The following TSPAN2 variants were observed in gnomAD, a reference collection of about 807,000 sequenced individuals.
The protein encoded by TSPAN2 is tetraspanin 2, also known as tetraspanin-2.
In TSPAN2, 24 loss-of-function variants were observed where a neutral mutation model predicts 33.3. The ratio of observed to expected loss-of-function variants is 0.72; its 90% confidence interval spans 0.52 to 1.01. The LOEUF is 1.01. Ranked by LOEUF, TSPAN2 falls within the 50% of genes least tolerant of loss-of-function variation. The probability of loss-of-function intolerance (pLI) is 0.00; values close to 1 mark genes in which losing one functional copy is unlikely to be tolerated. For missense variants in TSPAN2, 278 were observed against 281.3 expected (o/e 0.99, Z 0.08); for synonymous variants, 114 against 104.5 (o/e 1.09, Z -0.56).
chr1:115,053,484 G>A (rs1167480580), intron 6 of TSPAN2, 22 bp from the exon 7 acceptor site: 18 of 1,607,480 alleles, frequency 1.1e-5, no homozygotes, highest in Non-Finnish European at 1.4e-5. Flanking sequence ...AAAAAAAGTC[G>A]GGAATAAAAA....
intron 4 of TSPAN2, among the ~76,000 whole-genome samples, 194 bp downstream of exon 4, chr1:115,060,270 G>T (rs1019965028): frequency 2.0e-5 from 3 of 151,990 alleles, no homozygotes; most frequent in Non-Finnish European, 4.4e-5. Flanking sequence ...TATCTCCCCA[G>T]AAAAATGTGA....
chr1:115,073,765 G>A (rs894414441), intron 1 of TSPAN2, among the ~76,000 whole-genome samples: 1 of 152,048 alleles, frequency 6.6e-6, no homozygotes, highest in Non-Finnish European at 1.5e-5. Flanking sequence ...CTGAGTGGCT[G>A]GCACAGGCAG....
At chr1:115,085,572 G>A (rs1415897415) in intron 1 of TSPAN2, among the ~76,000 whole-genome samples, 1 of 152,166 alleles carries the variant, frequency 6.6e-6, no homozygotes, top group South Asian at 2.1e-4. Flanking sequence ...CTAAGGGTGT[G>A]TGTAAATTTA....
intron 2 of TSPAN2, among the ~76,000 whole-genome samples, chr1:115,068,444 G>A (rs913868337): frequency 1.3e-5 from 2 of 152,216 alleles, no homozygotes; most frequent in Admixed American, 6.5e-5. Context: ...TCTCAGAGAG[G>A]AGAGTCAAGG....
At chr1:115,081,175 G>T (rs772549794) in intron 1 of TSPAN2, among the ~76,000 whole-genome samples, 14 of 152,182 alleles carry the variant, frequency 9.2e-5, no homozygotes, top group Non-Finnish European at 1.3e-4. Context: ...GTGCTCTATA[G>T]AGATTTTTCT....
At chr1:115,055,220 T>G (rs1478831165) in intron 6 of TSPAN2, among the ~76,000 whole-genome samples, 1 of 152,178 alleles carries the variant, frequency 6.6e-6, no homozygotes, top group Non-Finnish European at 1.5e-5. Context: ...CATTAGGCCC[T>G]CCTTCCCTTC....
In TSPAN2 at chr1:115,050,487, G is replaced by A; in HGVS notation, c.*3C>T. On this transcript the variant is annotated 3_prime_UTR_variant, in exon 8 of 8. Transcript: ENST00000369516. ...AGATTGCAATTTTCATGTAGAAGTA[G>A]CTTCATATCACATCTCGTGAGTTTC... The A allele has an allele frequency of 6.2e-7, 1 of 1,613,572 alleles. No homozygotes were observed. The highest frequency in any genetic ancestry group is 8.5e-7 in the Non-Finnish European group (1 of 1,179,550).
chr1:115,069,872 C>T (rs1648095250), intron 2 of TSPAN2, among the ~76,000 whole-genome samples: 1 of 152,198 alleles, frequency 6.6e-6, no homozygotes, highest in South Asian at 2.1e-4. Context: ...CAGGAATCTC[C>T]TGAATGAAAC....
intron 5 of TSPAN2, 105 bp from the exon 6 acceptor site, chr1:115,057,713 G>A (rs1460284662): frequency 1.3e-5 from 13 of 991,768 alleles, no homozygotes; most frequent in Admixed American, 5.2e-5. Context: ...AAGCAGCTCC[G>A]AGGCCCAGTC....
chr1:115,086,615 C>T (rs1341541656), intron 1 of TSPAN2, among the ~76,000 whole-genome samples: 1 of 152,248 alleles, frequency 6.6e-6, no homozygotes, highest in Non-Finnish European at 1.5e-5. Flanking sequence ...AACTGCACTG[C>T]TCCTACTTCC....
At chr1:115,056,036 C>A (rs1372548585) in intron 6 of TSPAN2, among the ~76,000 whole-genome samples, 3 of 152,082 alleles carry the variant, frequency 2.0e-5, no homozygotes, top group Non-Finnish European at 2.9e-5. Context: ...CATACTTAAT[C>A]CTCTAGTCTT....
rs568050184 is a variant in TSPAN2, at chr1:115,085,122, G to GA, written c.69+4241dup. On this transcript the variant is annotated intron_variant, in intron 1 of 7. Transcript: ENST00000369516. Reference sequence around the variant, plus strand: ...TTATTTATATTGCTATGCAACGTAGGAAAAAAAAAGGTGATTTCAATGAAA... The same window carrying GA: ...TTATTTATATTGCTATGCAACGTAGGAAAAAAAAAAGGTGATTTCAATGAAA... 1.1e-3 allele frequency among the ~76,000 whole-genome samples: 163 copies of GA among 150,780 alleles called. 2 individuals carry two copies. The highest frequency in any genetic ancestry group is 1.2e-3 in the Non-Finnish European group (82 of 67,626).
At chr1:115,065,096 G>A (rs1429276748) in intron 2 of TSPAN2, among the ~76,000 whole-genome samples, 2 of 152,336 alleles carry the variant, frequency 1.3e-5, no homozygotes, top group Non-Finnish European at 2.9e-5. Flanking sequence ...TTCTCAGCCA[G>A]CCTCTGTTTT....
chr1:115,061,041 T>A (rs1647700012), intron 3 of TSPAN2, among the ~76,000 whole-genome samples: 1 of 152,164 alleles, frequency 6.6e-6, no homozygotes, highest in East Asian at 1.9e-4. Flanking sequence ...GTGAGGGGTG[T>A]CCTTCTGGAT....
At chr1:115,073,532 G>A (rs1169231909) in intron 1 of TSPAN2, among the ~76,000 whole-genome samples, 3 of 151,984 alleles carry the variant, frequency 2.0e-5, no homozygotes, top group African/African-American at 4.8e-5. Flanking sequence ...CCCACACCTC[G>A]TGAGTGCACA....
intron 2 of TSPAN2, among the ~76,000 whole-genome samples, chr1:115,072,267 C>G (rs921872217): frequency 6.6e-6 from 1 of 152,030 alleles, no homozygotes; most frequent in Admixed American, 6.5e-5. Flanking sequence ...AGAGCTATTG[C>G]CCCTTCCTGC....
intron 3 of TSPAN2, among the ~76,000 whole-genome samples, chr1:115,061,666 A>AT (rs928100931): frequency 6.6e-6 from 1 of 151,980 alleles, no homozygotes; most frequent in Non-Finnish European, 1.5e-5. Flanking sequence ...CAAAGATAAT[A>AT]TTTTTTTTCT....
At chr1:115,074,257 G>A (rs1648309676) in intron 1 of TSPAN2, among the ~76,000 whole-genome samples, 1 of 152,168 alleles carries the variant, frequency 6.6e-6, no homozygotes, top group South Asian at 2.1e-4. Flanking sequence ...GGGGACTTCT[G>A]TCTTGCCAGG....
chr1:115,072,960 T>G lies in TSPAN2; in HGVS notation c.117A>C (p.Gly39=). ...VIAFGLWFRF[G]GAIKELSSED... is the part of the protein sequence containing the mutation. Reference sequence around the variant, plus strand: ...CTGATGATAACTCCTTTATGGCACCTCCGAACCGAAACCATAGTCCAAAAG... The same window carrying G: ...CTGATGATAACTCCTTTATGGCACCGCCGAACCGAAACCATAGTCCAAAAG... The change falls in exon 2 of 8, where the codon GGA becomes GGC. Residue 39 remains glycine (G), a synonymous_variant. Transcript: ENST00000369516. The G allele has an allele frequency of 6.2e-7, 1 of 1,614,048 alleles. No individual in the cohort carries two copies. The highest frequency in any genetic ancestry group is 8.5e-7 in the Non-Finnish European group (1 of 1,180,002).
Sources: gnomAD v4.1 joint callset for allele counts (sites outside exome capture counted in the v4.1 genomes callset) on GRCh38, gnomAD v4.1.1 for gene constraint, MANE v1.5 for transcripts, NCBI Gene and HGNC (gene_info 2026-07-23, HGNC 2026-07-21) for gene names.